Variants in LGSN observed in about 807,000 individuals in gnomAD.
LGSN encodes lengsin, lens protein with glutamine synthetase domain, also known as lengsin.
In LGSN, 21 loss-of-function variants were observed where a neutral mutation model predicts 19.5. The ratio of observed to expected loss-of-function variants is 1.07; its 90% confidence interval spans 0.76 to 1.55. The LOEUF (loss-of-function observed/expected upper bound fraction) is 1.55. Ranked by LOEUF, LGSN falls within the 40% of genes most tolerant of loss-of-function variation. LGSN has a pLI of 0.00. For missense variants in LGSN, 673 were observed against 608.5 expected (o/e 1.11, Z -1.12); for synonymous variants, 257 against 215.6 (o/e 1.19, Z -1.68).
At chr6:63,465,354 G>T in the LGSN span, among the ~76,000 whole-genome samples, 1 of 151,948 alleles carries the variant, frequency 6.6e-6, no homozygotes, top group Non-Finnish European at 1.5e-5. Context: ...CTAAATCTTT[G>T]TATTTTTAGT....
At chr6:63,441,398 C>G in the LGSN span, 2 of 462,272 alleles carry the variant, frequency 4.3e-6, no homozygotes, top group South Asian at 3.7e-5. Context: ...GCTGAAGAAC[C>G]TGAAGTGGCT....
the LGSN span, among the ~76,000 whole-genome samples, chr6:63,528,347 G>T: frequency 6.6e-6 from 1 of 152,140 alleles, no homozygotes; most frequent in South Asian, 2.1e-4. Context: ...TGCAGTCCCA[G>T]CTACTCTGGA....
chr6:63,430,971 T>A, the LGSN span, among the ~76,000 whole-genome samples: 1 of 152,200 alleles, frequency 6.6e-6, no homozygotes, highest in Non-Finnish European at 1.5e-5. Flanking sequence ...CATGTATTAT[T>A]CATTTTGTTA....
At chr6:63,560,545 G>A in the LGSN span, among the ~76,000 whole-genome samples, 553 of 151,746 alleles carry the variant, frequency 3.6e-3, 5 homozygotes, top group African/African-American at 0.013. Flanking sequence ...CATTACAGGC[G>A]TGTACCACCA....
At chr6:63,283,948 C>T (rs962995619) in intron 3 of LGSN, among the ~76,000 whole-genome samples, 1 of 152,128 alleles carries the variant, frequency 6.6e-6, no homozygotes, top group African/African-American at 2.4e-5. Context: ...GATCCGTCGG[C>T]CTCAGCGTCC....
At chr6:63,549,351 G>C in the LGSN span, 10 of 754,260 alleles carry the variant, frequency 1.3e-5, no homozygotes, top group Non-Finnish European at 1.9e-5. Flanking sequence ...ATTTCACAAA[G>C]CTGGTTAGGT....
At position 63,277,625 on chromosome 6, in the gene LGSN, G is replaced by T. The variant is rs370775588; in HGVS notation, c.*2396C>A. ...CATCTGGATGTAGGCAAGTCAAACTGCTCTACAAAGCAGAGATTCCACCTT... is the reference window on the plus strand; with the variant it reads ...CATCTGGATGTAGGCAAGTCAAACTTCTCTACAAAGCAGAGATTCCACCTT... On this transcript the variant is annotated 3_prime_UTR_variant, in exon 4 of 4. Coordinates refer to ENST00000370657, the MANE Select transcript of LGSN (RefSeq NM_016571.3). 4.0e-5 allele frequency: 6 copies of T among 151,788 alleles called. No homozygotes were observed. The East Asian group carries it at 7.8e-4, about 20-fold the overall frequency. 9.4% of individuals were successfully genotyped at this position (151,788 alleles called of 1,614,324 possible). A position where few individuals can be genotyped will look rare whatever the true frequency, so the allele number is the denominator to read the frequency against.
At chr6:63,451,069 A>T in the LGSN span, among the ~76,000 whole-genome samples, 2 of 152,238 alleles carry the variant, frequency 1.3e-5, no homozygotes, top group Non-Finnish European at 2.9e-5. Flanking sequence ...TGATTAAAAT[A>T]AATTTAAGAT....
intron 1 of LGSN, among the ~76,000 whole-genome samples, chr6:63,299,030 T>C (rs1768089118): frequency 6.6e-6 from 1 of 152,178 alleles, no homozygotes; most frequent in African/African-American, 2.4e-5. Context: ...TCAAGTAAAG[T>C]AGGCTTTTTT....
At chr6:63,508,991 T>C in the LGSN span, among the ~76,000 whole-genome samples, 1 of 151,764 alleles carries the variant, frequency 6.6e-6, no homozygotes, top group East Asian at 1.9e-4. Flanking sequence ...GGTGTTCACC[T>C]TATAATAATT....
chr6:63,412,717 A>AAGAAGGAAGGAAGGAAGGAC, the LGSN span, among the ~76,000 whole-genome samples: 6 of 86,684 alleles, frequency 6.9e-5, no homozygotes, highest in African/African-American at 3.8e-4. Context: ...GAGGGAAGGA[A>AAGAAGGAAGGAAGGAAGGAC]GGAAAGAAAG....
At chr6:63,312,833 C>T (rs1327569646) in intron 1 of LGSN, among the ~76,000 whole-genome samples, 1 of 152,068 alleles carries the variant, frequency 6.6e-6, no homozygotes, top group East Asian at 1.9e-4. Flanking sequence ...TGGTAACTAG[C>T]TGGATATAGG....
the LGSN span, among the ~76,000 whole-genome samples, chr6:63,405,386 C>A: frequency 1.3e-5 from 2 of 152,180 alleles, no homozygotes; most frequent in African/African-American, 2.4e-5. Flanking sequence ...GCCACACTGA[C>A]TTCCACAATG....
At chr6:63,332,527 A>G in the LGSN span, among the ~76,000 whole-genome samples, 1 of 152,150 alleles carries the variant, frequency 6.6e-6, no homozygotes, top group African/African-American at 2.4e-5. Context: ...AGTAAAGGAA[A>G]AGAGGAAGCT....
At chr6:63,409,061 C>A in the LGSN span, among the ~76,000 whole-genome samples, 1,245 of 152,244 alleles carry the variant, frequency 8.2e-3, 14 homozygotes, top group South Asian at 0.025. Context: ...TAGGTGCACA[C>A]CATCACGCCC....
At chr6:63,511,246 C>CTTTTTTTTTTTTTT in the LGSN span, among the ~76,000 whole-genome samples, 1 of 131,382 alleles carries the variant, frequency 7.6e-6, no homozygotes, top group Non-Finnish European at 1.7e-5. Context: ...AAATAGATTT[C>CTTTTTTTTTTTTTT]TTTTTTTTTT....
chr6:63,413,087 T>A, the LGSN span, among the ~76,000 whole-genome samples: 1 of 152,136 alleles, frequency 6.6e-6, no homozygotes, highest in Non-Finnish European at 1.5e-5. Context: ...ATACAAATCC[T>A]GAAAAAGTAA....
At chr6:63,502,380 G>A in the LGSN span, among the ~76,000 whole-genome samples, 81,427 of 151,892 alleles carry the variant, frequency 0.54, 23,637 homozygotes, top group African/African-American at 0.77. Flanking sequence ...TTCTCAAAGT[G>A]CTTCTGTAAT....
chr6:63,432,188 GAAAAGAAAAGAAAAGAAAA>G, the LGSN span, among the ~76,000 whole-genome samples: 1 of 31,894 alleles, frequency 3.1e-5, no homozygotes, highest in Non-Finnish European at 6.0e-5. Flanking sequence ...AGAAAGAAAA[GAAAAGAAAAGAAAAGAAAA>G]GAAAAGAAAA....
Sources: gnomAD v4.1 joint callset for allele counts (sites outside exome capture counted in the v4.1 genomes callset) on GRCh38, gnomAD v4.1.1 for gene constraint, MANE v1.5 for transcripts, NCBI Gene and HGNC (gene_info 2026-07-23, HGNC 2026-07-21) for gene names.